FOXN3: variants seen among roughly 807,000 people sequenced by gnomAD.
FOXN3 encodes the protein forkhead box protein N3.
In FOXN3, 7 loss-of-function variants were observed where a neutral mutation model predicts 38.4. That is an observed-to-expected ratio of 0.18 (90% confidence interval 0.10 to 0.34). The LOEUF is 0.34. FOXN3 is among the 10% of genes least tolerant of loss of function. FOXN3 has a pLI of 1.00. For missense variants in FOXN3, 456 were observed against 613.4 expected (o/e 0.74, Z 2.71); for synonymous variants, 230 against 242.2 (o/e 0.95, Z 0.47).
At chr14:89,455,369 A>T (rs901756219) in intron 1 of FOXN3, among the ~76,000 whole-genome samples, 1 of 152,224 alleles carries the variant, frequency 6.6e-6, no homozygotes, top group Non-Finnish European at 1.5e-5. Context: ...ATACAAATAC[A>T]TTTTAGGTTC....
chr14:89,268,862 T>C (rs1414419443), intron 4 of FOXN3, among the ~76,000 whole-genome samples: 1 of 152,128 alleles, frequency 6.6e-6, no homozygotes, highest in East Asian at 1.9e-4. Flanking sequence ...ACCCATACTG[T>C]CCATGTGAGC....
chr14:89,446,111 A>AAAAAAAT (rs1203799928), intron 1 of FOXN3, among the ~76,000 whole-genome samples: 1 of 142,750 alleles, frequency 7.0e-6, no homozygotes, highest in African/African-American at 2.6e-5. Flanking sequence ...AAAAAAAAAA[A>AAAAAAAT]TTTTAAGGAA....
intron 2 of FOXN3, among the ~76,000 whole-genome samples, chr14:89,396,205 A>G (rs1254684405): frequency 3.9e-5 from 6 of 152,246 alleles, no homozygotes; most frequent in African/African-American, 1.4e-4. Context: ...ACTTATAAAA[A>G]CTGAGTATAT....
intron 1 of FOXN3, among the ~76,000 whole-genome samples, chr14:89,598,110 CCTTAA>C (rs1484508559): frequency 1.3e-5 from 2 of 152,016 alleles, no homozygotes; most frequent in African/African-American, 4.8e-5. Context: ...AAACATGCAT[CCTTAA>C]CTTATCAATG....
chr14:89,228,841 T>A (rs544860652), intron 4 of FOXN3, among the ~76,000 whole-genome samples: 1 of 152,260 alleles, frequency 6.6e-6, no homozygotes, highest in South Asian at 2.1e-4. Flanking sequence ...AATAAAAAAC[T>A]GTAGATTTAA....
intron 4 of FOXN3, among the ~76,000 whole-genome samples, chr14:89,228,321 C>T (rs539810915): frequency 2.0e-5 from 3 of 152,270 alleles, no homozygotes; most frequent in Admixed American, 6.5e-5. Context: ...TTCAATGTAC[C>T]CTCAAGATGT....
intron 1 of FOXN3, among the ~76,000 whole-genome samples, chr14:89,502,193 A>T (rs1893815690): frequency 6.6e-6 from 1 of 152,176 alleles, no homozygotes; most frequent in Non-Finnish European, 1.5e-5. Flanking sequence ...AAAACACTAA[A>T]TGTATGTGTT....
chr14:89,340,206 T>C (rs936105272), intron 3 of FOXN3, among the ~76,000 whole-genome samples: 4 of 152,192 alleles, frequency 2.6e-5, no homozygotes, highest in South Asian at 4.2e-4. Context: ...CCCAAACTGG[T>C]TGGGGCGTGT....
chr14:89,510,891 TG>T, intron 1 of FOXN3, among the ~76,000 whole-genome samples: 1 of 152,196 alleles, frequency 6.6e-6, no homozygotes, highest in African/African-American at 2.4e-5. Context: ...TGCAGTGAGC[TG>T]AGATCACACC....
At chr14:89,267,201 G>A (rs892517359) in intron 4 of FOXN3, among the ~76,000 whole-genome samples, 16 of 152,182 alleles carry the variant, frequency 1.1e-4, no homozygotes, top group African/African-American at 3.6e-4. Flanking sequence ...CTACACAGTG[G>A]GTTCTCAGGG....
chr14:89,239,630 A>T (rs1885086018), intron 4 of FOXN3, among the ~76,000 whole-genome samples: 1 of 152,244 alleles, frequency 6.6e-6, no homozygotes, highest in African/African-American at 2.4e-5. Flanking sequence ...CCTGAAGTCA[A>T]AGTCCAATAT....
At chr14:89,440,948 T>G (rs1892370745) in intron 1 of FOXN3, among the ~76,000 whole-genome samples, 2 of 152,148 alleles carry the variant, frequency 1.3e-5, no homozygotes, top group Non-Finnish European at 2.9e-5. Context: ...AAGGCAGACA[T>G]GATGGCAATG....
intron 1 of FOXN3, among the ~76,000 whole-genome samples, chr14:89,582,498 T>C (rs1283439246): frequency 6.7e-5 from 10 of 148,764 alleles, no homozygotes; most frequent in Non-Finnish European, 1.5e-4. Flanking sequence ...TTTTTTTTTT[T>C]TTTTTTTTTG....
upstream of FOXN3, chr14:89,419,317 C>T (rs991036508): frequency 7.1e-6 from 3 of 419,622 alleles, no homozygotes; most frequent in Non-Finnish European, 1.4e-5. Flanking sequence ...TGGCCTTTTC[C>T]ACCTTCTAAT....
chr14:89,300,131 A>G lies in FOXN3; in HGVS notation c.681-19117T>C, dbSNP rs375148135. 3.5e-4 allele frequency among the ~76,000 whole-genome samples: 53 copies of G among 151,804 alleles called. 1 individual carries two copies. Among genetic ancestry groups the G allele is most frequent in the African/African-American group, 1.1e-3 (47 of 41,358 alleles). On this transcript the variant is annotated intron_variant, in intron 3 of 5. Coordinates refer to ENST00000557258, the MANE Select transcript of FOXN3 (RefSeq NM_005197.4). ...TACCTCAATAATAAAGGCAAAAGTC[A>G]CTATGACCTATTTATCTTTCAGGAT... is the stretch of plus-strand genomic sequence containing the variant.
intron 4 of FOXN3, among the ~76,000 whole-genome samples, chr14:89,259,172 T>C (rs1885719843): frequency 6.6e-6 from 1 of 152,240 alleles, no homozygotes; most frequent in South Asian, 2.1e-4. Context: ...CTCTGTTGCA[T>C]TGCTTTGCCT....
chr14:89,531,156 T>C (rs1170570235), intron 1 of FOXN3, among the ~76,000 whole-genome samples: 2 of 149,918 alleles, frequency 1.3e-5, no homozygotes, highest in African/African-American at 4.9e-5. Flanking sequence ...TATATACACA[T>C]ATATATATGT....
intron 4 of FOXN3, among the ~76,000 whole-genome samples, chr14:89,269,486 T>G (rs1019723353): frequency 1.6e-5 from 2 of 124,240 alleles, no homozygotes; most frequent in African/African-American, 6.1e-5. Flanking sequence ...TTTTGTTTTG[T>G]TTTTTTTTTT....
intron 3 of FOXN3, among the ~76,000 whole-genome samples, chr14:89,348,376 G>T (rs950789303): frequency 6.6e-6 from 1 of 152,128 alleles, no homozygotes; most frequent in Admixed American, 6.6e-5. Context: ...TGATGGCTTA[G>T]AATTGAACCA....
Sources: gnomAD v4.1 joint callset for allele counts (sites outside exome capture counted in the v4.1 genomes callset) on GRCh38, gnomAD v4.1.1 for gene constraint, MANE v1.5 for transcripts, NCBI Gene and HGNC (gene_info 2026-07-23, HGNC 2026-07-21) for gene names.